LDLRAD4: variants seen among roughly 807,000 people sequenced by gnomAD.
LDLRAD4 encodes the protein low-density lipoprotein receptor class A domain-containing protein 4.
LDLRAD4 carries 5 observed loss-of-function variants against 17.0 expected under a neutral mutation model. The ratio of observed to expected loss-of-function variants is 0.29; its 90% CI spans 0.15 to 0.62. LDLRAD4 has a LOEUF of 0.62. LDLRAD4 is among the 20% of genes least tolerant of loss of function. The pLI, the probability that LDLRAD4 is intolerant of heterozygous loss-of-function variation, is 0.84. For synonymous variants in LDLRAD4, 168 were observed against 171.8 expected (o/e 0.98, Z 0.17); for missense variants, 340 against 424.7 (o/e 0.80, Z 1.75).
At chr18:13,449,028 A>T (rs1198217103) in intron 3 of LDLRAD4, among the ~76,000 whole-genome samples, 5 of 152,246 alleles carry the variant, frequency 3.3e-5, no homozygotes, top group Non-Finnish European at 7.3e-5. Flanking sequence ...TTCTGTCCCA[A>T]GAGCTAATAA....
At chr18:13,628,481 G>A (rs1282406271) in intron 4 of LDLRAD4, among the ~76,000 whole-genome samples, 2 of 152,234 alleles carry the variant, frequency 1.3e-5, no homozygotes, top group African/African-American at 4.8e-5. Context: ...CCGGCGGGTT[G>A]GCCGCAGCAT....
intron 1 of LDLRAD4, among the ~76,000 whole-genome samples, chr18:13,321,970 G>A (rs2081271846): frequency 6.9e-6 from 1 of 145,698 alleles, no homozygotes; most frequent in Non-Finnish European, 1.5e-5. Flanking sequence ...GAAAGCAATT[G>A]AAAGCCAGAA....
At chr18:13,542,896 G>A (rs2094306414) in intron 3 of LDLRAD4, 1 of 152,190 alleles carries the variant, frequency 6.6e-6, no homozygotes, top group African/African-American at 2.4e-5. Flanking sequence ...TTGCCTGCTT[G>A]TGTCCCCTCC....
intron 1 of LDLRAD4, among the ~76,000 whole-genome samples, chr18:13,226,180 C>CTTTGTTTTTTTTTTT (rs2041781922): frequency 1.9e-5 from 1 of 52,188 alleles, no homozygotes; most frequent in Admixed American, 3.6e-4. Flanking sequence ...CCATGCCTTG[C>CTTTGTTTTTTTTTTT]TTTTTTTTTT....
At position 13,645,516 on chromosome 18, in the gene LDLRAD4, C is replaced by T. The variant is rs1568452470; in HGVS notation, c.780C>T (p.Gly260=). 1 of 1,610,684 alleles carries T rather than the reference C, an allele frequency of 6.2e-7. No homozygotes were observed. The highest frequency in any genetic ancestry group is 1.7e-5 in the Admixed American group (1 of 59,552). ...CCCCCACATACAGCGAGGTGATGGG[C>T]CACCACCCAGGCGCCTCTTTCCTCC... The change falls in exon 6 of 6, where the codon GGC becomes GGT. Residue 260 remains glycine, a synonymous_variant. Coordinates refer to ENST00000359446, the Ensembl canonical transcript of LDLRAD4. This position sits in a 1 kb window ranked among gnomAD's most constrained non-coding sequence, Gnocchi z 5.7.
chr18:13,396,517 T>C (rs1263015310), intron 2 of LDLRAD4, among the ~76,000 whole-genome samples: 1 of 152,246 alleles, frequency 6.6e-6, no homozygotes, highest in Non-Finnish European at 1.5e-5. Context: ...AGGGTCTTGC[T>C]GTGTCACCCA....
intron 2 of LDLRAD4, among the ~76,000 whole-genome samples, chr18:13,395,772 G>T (rs2086643001): frequency 6.7e-6 from 1 of 149,290 alleles, no homozygotes; most frequent in Non-Finnish European, 1.5e-5. Context: ...GGGGGTGGGG[G>T]CATGGGCTGC....
intron 1 of LDLRAD4, among the ~76,000 whole-genome samples, chr18:13,248,487 G>A (rs1228786319): frequency 6.6e-6 from 1 of 152,228 alleles, no homozygotes; most frequent in African/African-American, 2.4e-5. Flanking sequence ...AAGATGTGAT[G>A]TAGCAATTGT....
At chr18:13,228,691 C>CA (rs373489212) in intron 1 of LDLRAD4, among the ~76,000 whole-genome samples, 18 of 152,042 alleles carry the variant, frequency 1.2e-4, no homozygotes, top group African/African-American at 3.6e-4. Context: ...CCTATCTCTA[C>CA]AAAAAAAATG....
At chr18:13,414,556 C>G (rs972809697) in intron 2 of LDLRAD4, among the ~76,000 whole-genome samples, 1 of 152,218 alleles carries the variant, frequency 6.6e-6, no homozygotes, top group East Asian at 1.9e-4. Context: ...GCTAAAGTCC[C>G]CCATTGTCAC....
intron 3 of LDLRAD4, among the ~76,000 whole-genome samples, chr18:13,481,904 G>C (rs892302949): frequency 1.4e-4 from 22 of 152,296 alleles, no homozygotes; most frequent in African/African-American, 5.3e-4. Flanking sequence ...CTGGGCAGGA[G>C]GGGGAAGGCA....
intron 3 of LDLRAD4, chr18:13,612,628 T>A: frequency 6.2e-7 from 1 of 1,608,692 alleles, no homozygotes; most frequent in South Asian, 1.1e-5. Context: ...GAGAGGAGAT[T>A]GCCGGAAGCT....
At chr18:13,406,363 A>G (rs564985138) in intron 2 of LDLRAD4, among the ~76,000 whole-genome samples, 17 of 152,288 alleles carry the variant, frequency 1.1e-4, no homozygotes, top group African/African-American at 3.8e-4. Flanking sequence ...AGTGACCTGT[A>G]AGCAAGAAGC....
intron 4 of LDLRAD4, among the ~76,000 whole-genome samples, chr18:13,634,925 C>T (rs1016245209): frequency 3.3e-5 from 5 of 151,944 alleles, no homozygotes; most frequent in African/African-American, 9.7e-5. Flanking sequence ...AGAGATAAAC[C>T]CTCAAATATA....
At chr18:13,527,058 T>A (rs1291156290) in intron 3 of LDLRAD4, among the ~76,000 whole-genome samples, 2 of 152,248 alleles carry the variant, frequency 1.3e-5, no homozygotes, top group Non-Finnish European at 2.9e-5. Flanking sequence ...CAGCTGCCCT[T>A]GGCAGAGAAC....
intron 3 of LDLRAD4, among the ~76,000 whole-genome samples, chr18:13,556,793 G>A (rs149640839): frequency 3.5e-4 from 53 of 152,270 alleles, no homozygotes; most frequent in Middle Eastern, 6.8e-3. Context: ...TAGTTTAAAC[G>A]TGATTTATAA....
intron 3 of LDLRAD4, among the ~76,000 whole-genome samples, chr18:13,617,575 T>G (rs2148779010): frequency 6.6e-6 from 1 of 152,228 alleles, no homozygotes; most frequent in African/African-American, 2.4e-5. Flanking sequence ...CATGGTGAAG[T>G]TTCAAGAAAT....
At chr18:13,475,257 T>C (rs1485376884) in intron 3 of LDLRAD4, among the ~76,000 whole-genome samples, 1 of 152,158 alleles carries the variant, frequency 6.6e-6, no homozygotes, top group African/African-American at 2.4e-5. Context: ...CTCTGTTTTT[T>C]GTTTTGTTTT....
At chr18:13,325,052 G>C (rs182159447) in intron 1 of LDLRAD4, among the ~76,000 whole-genome samples, 2 of 152,288 alleles carry the variant, frequency 1.3e-5, no homozygotes, top group Admixed American at 1.3e-4. Flanking sequence ...GGCGGCAGAG[G>C]GATGATTTCT....
Sources: gnomAD v4.1 joint callset for allele counts (sites outside exome capture counted in the v4.1 genomes callset) on GRCh38, gnomAD v4.1.1 for gene constraint, Gnocchi (gnomAD v3.1) non-coding constraint, MANE v1.5 for transcripts, NCBI Gene and HGNC (gene_info 2026-07-23, HGNC 2026-07-21) for gene names.